PLBD2: variants seen among roughly 807,000 people sequenced by gnomAD.
PLBD2 encodes putative aminopeptidase PLBD2.
A neutral mutation model predicts 68.3 loss-of-function variants in PLBD2; 51 were observed. The observed-to-expected ratio is 0.75, with a 90% CI of 0.60 to 0.94. The LOEUF is 0.94. PLBD2 is among the 40% of genes least tolerant of loss of function. The pLI, the probability that PLBD2 is intolerant of heterozygous loss-of-function variation, is 0.00. For synonymous variants in PLBD2, 314 were observed against 339.3 expected, an observed-to-expected ratio of 0.93 and a Z score of 0.82; for missense variants, 729 against 792.2, an observed-to-expected ratio of 0.92 and a Z score of 0.96.
rs889179326 is a variant in PLBD2 at position 113,387,985 on chromosome 12, G to A, written c.1602+79G>A. On this transcript the variant is annotated intron_variant, in intron 11 of 11. Transcript: ENST00000280800. ...AGCTTTGGGGAAGGGACAGGTTGGG[G>A]CAAAGCTGATGGCGGGGCAGGAATC... 13 of 1,528,782 alleles carry A rather than the reference G, an allele frequency of 8.5e-6. No homozygotes were observed. In the African/African-American group the frequency reaches 1.6e-4, roughly 19 times the overall value. 94.7% of individuals were successfully genotyped at this position (1,528,782 alleles called of 1,614,324 possible).
chr12:113,362,373 T>C (rs1465307754), intron 1 of PLBD2, among the ~76,000 whole-genome samples: 1 of 151,496 alleles, frequency 6.6e-6, no homozygotes, highest in African/African-American at 2.4e-5. Context: ...GACACAGTTA[T>C]GGGGGGCATC....
Position 113,387,881 on chromosome 12 carries a change from G to A in PLBD2, c.1577G>A (p.Arg526His), listed in dbSNP as rs940587566. 5.6e-6 allele frequency: 9 copies of A among 1,614,056 alleles called. No individual in the cohort carries two copies. Among genetic ancestry groups the A allele is most frequent in the Admixed American group, 3.3e-5 (2 of 60,002 alleles). ...GSYPFQALRQ[R>H]SHGGIDVKVT... ...TACCCCTTCCAGGCCCTGCGTCAGC[G>A]CTCCCATGGGGGTATCGATGTGAAG... Residue 526 changes from arginine to histidine, a missense_variant, in exon 11 of 12, where the codon CGC becomes CAC. By Grantham distance (29) the Arg-to-His change is conservative. Coordinates refer to ENST00000280800, the MANE Select transcript of PLBD2 (RefSeq NM_173542.4).
chr12:113,379,566 C>T (rs1045919506), intron 5 of PLBD2, among the ~76,000 whole-genome samples: 1 of 152,136 alleles, frequency 6.6e-6, no homozygotes, highest in African/African-American at 2.4e-5. Context: ...CCAGCATAAG[C>T]GTGAGGTCAC....
In PLBD2 at chr12:113,389,834, G is replaced by A. The variant is rs973127947; in HGVS notation, c.*1208G>A. 1 of 152,128 alleles carries A rather than the reference G, an allele frequency of 6.6e-6. No homozygotes were observed. The highest frequency in any genetic ancestry group is 1.5e-5 in the Non-Finnish European group (1 of 68,104). 9.4% of individuals were successfully genotyped at this position (152,128 alleles called of 1,614,324 possible). ...CGATTCTCCTGCCTTAGCTTCCCAA[G>A]TAGCTGGGGTTACAGGCATGAGCCA... On this transcript the variant is annotated 3_prime_UTR_variant, in exon 12 of 12. Transcript: ENST00000280800.
Position 113,384,155 on chromosome 12 carries a change from T to C in PLBD2, c.1008T>C (p.Tyr336=). The C allele has an allele frequency of 6.2e-6, 10 of 1,613,892 alleles. No individual in the cohort carries two copies. The highest frequency in any genetic ancestry group is 8.5e-6 in the Non-Finnish European group (10 of 1,179,894). The stretch of plus-strand genomic sequence containing the variant: ...ACAAGAACCCAGCCCTGTGGAAGTA[T>C]GTGCGGCCCAGGGGCTGTGTGCTGG... The part of the protein sequence containing the change: ...IGNKNPALWK[Y]VRPRGCVLEW... Residue 336 remains tyrosine (Y), a synonymous_variant, in exon 7 of 12, where the codon TAT becomes TAC. Transcript: ENST00000280800. This position sits in a 1 kb window ranked among gnomAD's most constrained non-coding sequence, Gnocchi z 4.2.
At chr12:113,369,780 T>C (rs938055769) in intron 2 of PLBD2, among the ~76,000 whole-genome samples, 1 of 150,108 alleles carries the variant, frequency 6.7e-6, no homozygotes, top group Admixed American at 6.7e-5. Context: ...TTGGGGGGAG[T>C]GGGGAGTGGG....
Position 113,390,382 on chromosome 12 carries a change from TTCATTTTCCA to T in PLBD2, c.*1759_*1768del, listed in dbSNP as rs1957598578. The stretch of plus-strand genomic sequence containing the variant: ...CCATCAATCCAACCATTTTCATCTG[TTCATTTTCCA>T]TCCATCTACCCGTCCACCCATTCAC... On this transcript the variant is annotated 3_prime_UTR_variant, in exon 12 of 12. Transcript: ENST00000280800. 6.6e-6 allele frequency: 1 copy of T among 151,666 alleles called. No homozygotes were observed. Among genetic ancestry groups the T allele is most frequent in the African/African-American group, 2.4e-5 (1 of 41,216 alleles). 9.4% of individuals were successfully genotyped at this position (151,666 alleles called of 1,614,324 possible). A position where few individuals can be genotyped will look rare whatever the true frequency, so the allele number is the denominator to read the frequency against.
At chr12:113,360,396 C>T (rs977452002) in intron 1 of PLBD2, among the ~76,000 whole-genome samples, 50 of 152,198 alleles carry the variant, frequency 3.3e-4, no homozygotes, top group African/African-American at 1.1e-3. Flanking sequence ...GGGGCAGGAG[C>T]GAGGCCCAGC....
chr12:113,374,474 G>A lies in PLBD2; in HGVS notation c.544G>A (p.Val182Met), dbSNP rs571164959. 1.3e-6 allele frequency: 2 copies of A among 1,591,664 alleles called. No individual in the cohort carries two copies. The highest frequency in any genetic ancestry group is 1.7e-6 in the Non-Finnish European group (2 of 1,169,344). ...SNPDSPYWHQ[V>M]RLTLLQLKGL... Reference sequence around the variant, plus strand: ...CCTCTGCCCCCGCCCCCTCCCCTAGGTGCGGCTGACCCTCCTGCAGCTGAA... The same window carrying A: ...CCTCTGCCCCCGCCCCCTCCCCTAGATGCGGCTGACCCTCCTGCAGCTGAA... The change falls in exon 4 of 12, where the codon GTG becomes ATG. Residue 182 changes from valine to methionine, a missense_variant and splice_region_variant. By Grantham distance (21) the Val-to-Met change is conservative (BLOSUM62 1). Transcript: ENST00000280800.
chr12:113,379,678 G>A (rs375332587), intron 5 of PLBD2, among the ~76,000 whole-genome samples: 1 of 152,074 alleles, frequency 6.6e-6, no homozygotes, highest in African/African-American at 2.4e-5. Flanking sequence ...GTACCTGCCG[G>A]GGGTGGGCCT....
intron 1 of PLBD2, among the ~76,000 whole-genome samples, chr12:113,364,891 G>C (rs1329279814): frequency 6.6e-6 from 1 of 152,148 alleles, no homozygotes; most frequent in Non-Finnish European, 1.5e-5. Context: ...CCGAGGCCCC[G>C]AGAGGTAAAG....
chr12:113,374,742 A>G (rs772866260), intron 4 of PLBD2, 51 bp from the exon 5 acceptor site: 3 of 1,583,172 alleles, frequency 1.9e-6, no homozygotes, highest in East Asian at 4.5e-5. Flanking sequence ...TGAGTACATA[A>G]CAGCACTCAC....
At chr12:113,369,058 C>A in intron 1 of PLBD2, 58 bp from the exon 2 acceptor site, 1 of 1,184,946 alleles carries the variant, frequency 8.4e-7, no homozygotes, top group Non-Finnish European at 1.2e-6. Context: ...CCTGGAGATG[C>A]CATGTGTCTA....
At position 113,358,896 on chromosome 12, in the gene PLBD2, G is replaced by A. The variant is rs1230111729; in HGVS notation, c.290+6G>A. 1.3e-6 allele frequency: 2 copies of A among 1,515,658 alleles called. No individual in the cohort carries two copies. Among genetic ancestry groups the A allele is most frequent in the South Asian group, 2.5e-5 (2 of 81,088 alleles). 93.9% of individuals were successfully genotyped at this position (1,515,658 alleles called of 1,614,324 possible). On this transcript the variant is annotated splice_donor_region_variant and intron_variant, in intron 1 of 11. Transcript: ENST00000280800. Reference sequence around the variant, plus strand: ...AACGCCATCCGCGAGACTGGGTAAGGGTTGGCTTATCCCCACGCGGGGCCA... The same window carrying A: ...AACGCCATCCGCGAGACTGGGTAAGAGTTGGCTTATCCCCACGCGGGGCCA...
In PLBD2 at chr12:113,388,951, A is replaced by AG. The variant is rs1475818566; in HGVS notation, c.*328dup. The AG allele has an allele frequency of 3.9e-5, 8 of 203,458 alleles. No homozygotes were observed. Among genetic ancestry groups the AG allele is most frequent in the Non-Finnish European group, 7.8e-5 (8 of 102,168 alleles). 12.6% of individuals were successfully genotyped at this position (203,458 alleles called of 1,614,324 possible). On this transcript the variant is annotated 3_prime_UTR_variant, in exon 12 of 12. Coordinates refer to ENST00000280800, the MANE Select transcript of PLBD2 (RefSeq NM_173542.4). ...CCCTTCCTCGTGCTTCTCCTTCCTGAGGGTTTGGGAAGGTCCTGGGGCAGA... is the reference window on the plus strand; with the variant it reads ...CCCTTCCTCGTGCTTCTCCTTCCTGAGGGGTTTGGGAAGGTCCTGGGGCAGA...
At position 113,391,086 on chromosome 12, in the gene PLBD2, T is replaced by C. The variant is rs1010793472; in HGVS notation, c.*2460T>C. 3 of 152,298 alleles carry C rather than the reference T, an allele frequency of 2.0e-5. No homozygotes were observed. The highest frequency in any genetic ancestry group is 6.5e-5 in the Admixed American group (1 of 15,292). The allele number at this position is 152,298 out of a possible 1,614,324, so 9.4% of individuals were successfully genotyped here. A position where few individuals can be genotyped will look rare whatever the true frequency, so the allele number is the denominator to read the frequency against. The stretch of plus-strand genomic sequence containing the variant: ...TTGAGCACCTGTGTTCTGGGTCCTA[T>C]TTGGGAGCCTTGTTAACCACCAAGA... On this transcript the variant is annotated 3_prime_UTR_variant, in exon 12 of 12. Coordinates refer to ENST00000280800, the MANE Select transcript of PLBD2 (RefSeq NM_173542.4).
In PLBD2 at chr12:113,388,459, G is replaced by C; in HGVS notation, c.1603G>C (p.Val535Leu). Residue 535 changes from valine to leucine, a missense_variant and splice_region_variant, in exon 12 of 12, where the codon GTG becomes CTG. By Grantham distance (32) the Val-to-Leu change is conservative. Coordinates refer to ENST00000280800, the MANE Select transcript of PLBD2 (RefSeq NM_173542.4). Reference sequence around the variant, plus strand: ...AGCTGCGGCTCTGCCCTGTCCCCAGGTGACCAGCATGTCACTGGCCAGGAT... The same window carrying C: ...AGCTGCGGCTCTGCCCTGTCCCCAGCTGACCAGCATGTCACTGGCCAGGAT... ...QRSHGGIDVKVTSMSLARILS... is the reference protein window; with the variant it reads ...QRSHGGIDVKLTSMSLARILS... The C allele has an allele frequency of 1.3e-6, 2 of 1,584,302 alleles. No individual in the cohort carries two copies. The highest frequency in any genetic ancestry group is 1.1e-5 in the South Asian group (1 of 88,586).
rs746636848 is a variant in PLBD2 at position 113,358,855 on chromosome 12, C to T, written c.255C>T (p.Ala85=). 4 of 1,523,436 alleles carry T rather than the reference C, an allele frequency of 2.6e-6. No individual in the cohort carries two copies. The South Asian group carries it at 3.7e-5, about 14-fold the overall frequency. 94.4% of individuals were successfully genotyped at this position (1,523,436 alleles called of 1,614,324 possible). A position where few individuals can be genotyped will look rare whatever the true frequency, so the allele number is the denominator to read the frequency against. Residue 85 remains alanine (A), a synonymous_variant, in exon 1 of 12, where the codon GCC becomes GCT. Transcript: ENST00000280800. ...ACGGACGCCACCCTGACGCCGTGGC[C>T]TGGGCCAACCTCACCAACGCCATCC... ...MVDGRHPDAV[A]WANLTNAIRE... is the part of the protein sequence containing the mutation.
chr12:113,368,475 G>C (rs2136904560), intron 1 of PLBD2, among the ~76,000 whole-genome samples: 1 of 152,312 alleles, frequency 6.6e-6, no homozygotes, highest in African/African-American at 2.4e-5. Context: ...TGATGGCAGA[G>C]GCACAAAGGG....
Sources: allele counts gnomAD v4.1 joint callset (sites outside exome capture counted in the v4.1 genomes callset), GRCh38; gene constraint gnomAD v4.1.1; non-coding constraint Gnocchi (gnomAD v3.1); transcripts MANE v1.5; gene names NCBI Gene and HGNC (gene_info 2026-07-23, HGNC 2026-07-21).